Variants in GRIN2A observed in about 807,000 individuals in gnomAD.
The protein encoded by GRIN2A is glutamate ionotropic receptor NMDA type subunit 2A.
Under a neutral mutation model 113.4 loss-of-function variants are expected in GRIN2A, and 22 were observed. The ratio of observed to expected loss-of-function variants is 0.19; its 90% CI spans 0.14 to 0.28. GRIN2A has a LOEUF of 0.28. Ranked by LOEUF, GRIN2A falls within the 10% of genes least tolerant of loss-of-function variation. The probability of loss-of-function intolerance (pLI) is 1.00; values close to 1 mark genes in which losing one functional copy is unlikely to be tolerated. For synonymous variants in GRIN2A, 827 were observed against 738.4 expected (o/e 1.12, Z -1.94); for missense variants, 1,502 against 1,887.0 (o/e 0.80, Z 3.78).
intron 2 of GRIN2A, among the ~76,000 whole-genome samples, chr16:10,068,217 G>C (rs1469581851): frequency 6.6e-6 from 1 of 152,210 alleles, no homozygotes; most frequent in African/African-American, 2.4e-5. Context: ...CTGGGTGCTG[G>C]ATATTCAACA....
chr16:10,131,495 G>T (rs1307581567), intron 2 of GRIN2A, among the ~76,000 whole-genome samples: 1 of 151,396 alleles, frequency 6.6e-6, no homozygotes, highest in Non-Finnish European at 1.5e-5. Context: ...TAATGCTCAG[G>T]GTATAACAAT....
intron 2 of GRIN2A, among the ~76,000 whole-genome samples, chr16:9,987,736 G>A (rs1397855213): frequency 6.6e-6 from 1 of 152,156 alleles, no homozygotes; most frequent in Non-Finnish European, 1.5e-5. Context: ...CAGAGGTAAT[G>A]GTCTTAAATA....
intron 2 of GRIN2A, among the ~76,000 whole-genome samples, chr16:10,089,475 G>A (rs1333389983): frequency 1.3e-5 from 2 of 152,092 alleles, no homozygotes; most frequent in Non-Finnish European, 2.9e-5. Context: ...AGCATATGGT[G>A]GGTTCCAGGA....
intron 11 of GRIN2A, among the ~76,000 whole-genome samples, chr16:9,775,422 C>T (rs1050673139): frequency 6.6e-6 from 1 of 152,158 alleles, no homozygotes; most frequent in Non-Finnish European, 1.5e-5. Context: ...AAGCACTTAA[C>T]ATGTGGCAAA....
At chr16:9,965,317 G>A (rs920126805) in intron 2 of GRIN2A, among the ~76,000 whole-genome samples, 4 of 152,154 alleles carry the variant, frequency 2.6e-5, no homozygotes, top group African/African-American at 4.8e-5. Context: ...ACAGCCTGGT[G>A]GTAAACGGAA....
chr16:9,798,507 A>G (rs764842693), intron 10 of GRIN2A, 43 bp from the exon 11 acceptor site: 4 of 1,531,568 alleles, frequency 2.6e-6, no homozygotes, highest in East Asian at 2.3e-5. Context: ...GTGGCCAGGT[A>G]CCACCTCGGG....
chr16:10,023,683 C>G (rs887398852), intron 2 of GRIN2A, among the ~76,000 whole-genome samples: 4 of 152,144 alleles, frequency 2.6e-5, no homozygotes. Flanking sequence ...GTTTTCAGTG[C>G]GTGTCGCTAT....
intron 9 of GRIN2A, among the ~76,000 whole-genome samples, chr16:9,824,432 G>A (rs1166405377): frequency 6.6e-6 from 1 of 152,188 alleles, no homozygotes; most frequent in Non-Finnish European, 1.5e-5. Context: ...AGAGATATCC[G>A]GAGATGGCCT....
intron 2 of GRIN2A, among the ~76,000 whole-genome samples, chr16:9,989,006 G>A (rs545649999): frequency 1.3e-5 from 2 of 152,260 alleles, no homozygotes; most frequent in Admixed American, 1.3e-4. Context: ...CTTGATACGT[G>A]ACCTGATAAG....
intron 4 of GRIN2A, among the ~76,000 whole-genome samples, chr16:9,872,595 C>T (rs949703593): frequency 2.0e-5 from 3 of 151,996 alleles, no homozygotes; most frequent in East Asian, 1.9e-4. Context: ...CTCAAATCTT[C>T]GGGTAAAGAA....
At chr16:10,154,648 G>A (rs2049652004) in intron 2 of GRIN2A, among the ~76,000 whole-genome samples, 1 of 152,082 alleles carries the variant, frequency 6.6e-6, no homozygotes, top group Admixed American at 6.5e-5. Flanking sequence ...CAGCTGGGAA[G>A]CTAAATCAAC....
intron 3 of GRIN2A, among the ~76,000 whole-genome samples, chr16:9,936,278 A>C (rs963581664): frequency 5.9e-5 from 9 of 152,208 alleles, no homozygotes; most frequent in Non-Finnish European, 1.0e-4. Flanking sequence ...TTTGTGTCTT[A>C]ACAAGTCCTC....
chr16:10,010,045 G>A (rs2046477664), intron 2 of GRIN2A, among the ~76,000 whole-genome samples: 1 of 152,192 alleles, frequency 6.6e-6, no homozygotes, highest in Non-Finnish European at 1.5e-5. Context: ...GAGGAGCAAG[G>A]CCCAAAGAAA....
At chr16:10,059,720 GAAAAA>G (rs34385533) in intron 2 of GRIN2A, among the ~76,000 whole-genome samples, 8 of 118,190 alleles carry the variant, frequency 6.8e-5, no homozygotes, top group Non-Finnish European at 1.4e-4. Context: ...CATCGTGACC[GAAAAA>G]AAAAAAAAAA....
At chr16:10,112,830 C>A in intron 2 of GRIN2A, 1 of 623,308 alleles carries the variant, frequency 1.6e-6, no homozygotes, top group African/African-American at 1.8e-5. Flanking sequence ...CATGTCAGCC[C>A]AGATCGAGGG....
At chr16:10,064,116 T>G (rs1202440851) in intron 2 of GRIN2A, among the ~76,000 whole-genome samples, 1 of 152,224 alleles carries the variant, frequency 6.6e-6, no homozygotes, top group Non-Finnish European at 1.5e-5. Flanking sequence ...CATGGTAGGT[T>G]CTCAATCGAT....
intron 4 of GRIN2A, among the ~76,000 whole-genome samples, chr16:9,856,554 G>C (rs1028853293): frequency 3.3e-5 from 5 of 151,096 alleles, no homozygotes; most frequent in African/African-American, 1.2e-4. Context: ...GAACCCGGGA[G>C]GCCGAGCTTG....
chr16:9,798,836 G>T (rs1903173709), intron 10 of GRIN2A, among the ~76,000 whole-genome samples: 1 of 152,136 alleles, frequency 6.6e-6, no homozygotes, highest in Non-Finnish European at 1.5e-5. Context: ...AGAAGAATTT[G>T]GTGGTAGTGT....
At chr16:9,775,285 G>C (rs565690738) in intron 11 of GRIN2A, among the ~76,000 whole-genome samples, 52 of 152,188 alleles carry the variant, frequency 3.4e-4, no homozygotes, top group Non-Finnish European at 5.7e-4. Flanking sequence ...ATGTGGTTCT[G>C]AGAAGCTGAG....
Sources: gnomAD v4.1 joint callset for allele counts (sites outside exome capture counted in the v4.1 genomes callset) on GRCh38, gnomAD v4.1.1 for gene constraint, MANE v1.5 for transcripts, NCBI Gene and HGNC (gene_info 2026-07-23, HGNC 2026-07-21) for gene names.